The following EIF3B variants were observed in gnomAD, a reference collection of about 807,000 sequenced individuals.
The protein encoded by EIF3B is eukaryotic translation initiation factor 3 subunit B, also known as eukaryotic translation initiation factor 3 subunit 9.
A neutral mutation model predicts 104.6 loss-of-function variants in EIF3B; 10 were observed. The ratio of observed to expected loss-of-function variants is 0.10; its 90% CI spans 0.06 to 0.16. The LOEUF is 0.16. EIF3B is among the 10% of genes least tolerant of loss of function. EIF3B has a pLI of 1.00. For synonymous variants in EIF3B, 542 were observed against 417.2 expected, an observed-to-expected ratio of 1.30 and a Z score of -3.65; for missense variants, 1,014 against 1,087.9, an observed-to-expected ratio of 0.93 and a Z score of 0.96.
chr7:2,374,259 G>A, intron 12 of EIF3B: 1 of 356,104 alleles, frequency 2.8e-6, no homozygotes, highest in Non-Finnish European at 5.2e-6. Context: ...TTGCTGTAAA[G>A]GGAATTCTTT....
chr7:2,363,322 C>T (rs1779839223), intron 4 of EIF3B, among the ~76,000 whole-genome samples, 195 bp downstream of exon 4: 2 of 151,878 alleles, frequency 1.3e-5, no homozygotes, highest in African/African-American at 2.4e-5. Flanking sequence ...ATTAGCTGGG[C>T]CTGGCATGCA....
intron 9 of EIF3B, 51 bp downstream of exon 9, chr7:2,367,096 C>G: frequency 1.4e-6 from 1 of 731,008 alleles, no homozygotes; most frequent in Non-Finnish European, 2.0e-6. Flanking sequence ...CTGCTTAACA[C>G]AATACCAAAA....
At position 2,360,804 on chromosome 7, in the gene EIF3B, C is replaced by T; in HGVS notation, c.594C>T (p.Asp198=). 6.2e-7 allele frequency: 1 copy of T among 1,613,720 alleles called. No homozygotes were observed. The highest frequency in any genetic ancestry group is 8.5e-7 in the Non-Finnish European group (1 of 1,179,700). ...ACAATGTCCCTCAGGTGGGACCCGA[C>T]CGACTTGAGAAACTCAAAAATGTCA... ...VVDNVPQVGP[D]RLEKLKNVIH... is the part of the protein sequence containing the mutation. Residue 198 remains aspartate (D), a synonymous_variant, in exon 2 of 19, where the codon GAC becomes GAT. Transcript: ENST00000360876.
intron 10 of EIF3B, among the ~76,000 whole-genome samples, chr7:2,371,127 C>G (rs1474458593): frequency 6.6e-6 from 1 of 152,196 alleles, no homozygotes; most frequent in African/African-American, 2.4e-5. Context: ...TGTTAGCAGC[C>G]TCTCCGCCCA....
chr7:2,373,849 T>G (rs1562489139), intron 12 of EIF3B: 1 of 152,232 alleles, frequency 6.6e-6, no homozygotes, highest in Non-Finnish European at 1.5e-5. Context: ...TTTTCGCTTG[T>G]GCAAGTCTGA....
At position 2,366,984 on chromosome 7, in the gene EIF3B, C is replaced by A. The variant is rs750504573; in HGVS notation, c.1357-15C>A. The A allele has an allele frequency of 5.6e-6, 9 of 1,607,494 alleles. No homozygotes were observed. Among genetic ancestry groups the A allele is most frequent in the Non-Finnish European group, 6.8e-6 (8 of 1,177,102 alleles). On this transcript the variant is annotated splice_polypyrimidine_tract_variant and intron_variant, in intron 8 of 18. Transcript: ENST00000360876. ...ATGATTTGACTCAACTGCAGCCTTCCTTTTTTTTGGGCAGTCTATGGGTCT... is the reference window on the plus strand; with the variant it reads ...ATGATTTGACTCAACTGCAGCCTTCATTTTTTTTGGGCAGTCTATGGGTCT...
intron 10 of EIF3B, 130 bp downstream of exon 10, chr7:2,369,812 CTG>C: frequency 2.7e-6 from 2 of 744,676 alleles, no homozygotes; most frequent in South Asian, 3.9e-5. Context: ...GAGTCTCACT[CTG>C]TCACCAGGCT....
rs1343711655 is a variant in EIF3B at position 2,355,285 on chromosome 7, C to A, written c.364C>A (p.Gln122Lys). 24 of 1,536,226 alleles carry A rather than the reference C, an allele frequency of 1.6e-5. No individual in the cohort carries two copies. ...ARDERSDSRA[Q>K]AVSEDAGGNE... ...GGACGAGCGCTCCGACAGCCGGGCC[C>A]AGGCGGTGTCCGAGGACGCGGGAGG... Residue 122 changes from glutamine (Q) to lysine (K), a missense_variant, in exon 1 of 19, where the codon CAG becomes AAG. Gln to Lys is a moderately conservative substitution (Grantham distance 53). Around this residue, in one of 4 missense-constraint regions of EIF3B, gnomAD observed 488 missense variants for 404.3 expected, o/e 1.21. Transcript: ENST00000360876.
chr7:2,359,071 A>C (rs577555322), intron 1 of EIF3B, among the ~76,000 whole-genome samples: 3 of 151,488 alleles, frequency 2.0e-5, no homozygotes, highest in African/African-American at 7.2e-5. Flanking sequence ...GAAAAAAAAA[A>C]GTTGTTTCAG....
chr7:2,364,575 T>TG, intron 6 of EIF3B, 46 bp downstream of exon 6: 1 of 1,554,040 alleles, frequency 6.4e-7, no homozygotes, highest in South Asian at 1.2e-5. Flanking sequence ...TTTCACCCCA[T>TG]GCCAGCCTTC....
At chr7:2,378,946 G>GT in intron 16 of EIF3B, 180 bp downstream of exon 16, 1 of 738,700 alleles carries the variant, frequency 1.4e-6, no homozygotes, top group Non-Finnish European at 2.2e-6. Flanking sequence ...CTTGGAGTTG[G>GT]TGACCTCACT....
intron 6 of EIF3B, 140 bp downstream of exon 6, chr7:2,364,669 A>G: frequency 1.3e-6 from 1 of 758,886 alleles, no homozygotes; most frequent in African/African-American, 1.8e-5. Context: ...CTTTTTACTG[A>G]GATCTTCTCA....
chr7:2,364,890 GA>G (rs1167906192), intron 6 of EIF3B, among the ~76,000 whole-genome samples: 3 of 152,142 alleles, frequency 2.0e-5, no homozygotes, highest in African/African-American at 7.2e-5. Context: ...TTTGTTACTT[GA>G]CCTAATAATG....
rs570068196 is a variant in EIF3B at position 2,362,700 on chromosome 7, G to A, written c.748G>A (p.Ala250Thr). Residue 250 changes from alanine (A) to threonine (T), a missense_variant, in exon 3 of 19, where the codon GCC becomes ACC. Ala to Thr is a moderately conservative substitution (Grantham distance 58, BLOSUM62 0). Around this residue, in one of 4 missense-constraint regions of EIF3B, gnomAD observed 488 missense variants for 404.3 expected, o/e 1.21. Transcript: ENST00000360876. ...PAHAVDAVKN[A>T]DGYKLDKQHT... is the part of the protein sequence containing the mutation. ...CCACGCTGTGGATGCTGTGAAGAAC[G>A]CCGACGGCTACAAGCTTGACAAGCA... The A allele has an allele frequency of 5.8e-5, 94 of 1,614,232 alleles. 2 individuals carry two copies. The South Asian group carries it at 9.2e-4, about 16-fold the overall frequency.
At chr7:2,367,825 ATTTTTTTTTTTTTTTTT>A (rs71026506) in intron 9 of EIF3B, among the ~76,000 whole-genome samples, 5 of 60,296 alleles carry the variant, frequency 8.3e-5, no homozygotes, top group Non-Finnish European at 1.1e-4. Flanking sequence ...TTTTTTTAAA[ATTTTTTTTTTTTTTTTT>A]TTTTTTTTTT....
intron 13 of EIF3B, chr7:2,375,144 C>T (rs982131016): frequency 3.8e-6 from 2 of 523,614 alleles, no homozygotes; most frequent in Non-Finnish European, 6.9e-6. Flanking sequence ...TGGAGGCTTA[C>T]TTAGCCTCAG....
rs146119314 is a variant in EIF3B at position 2,369,505 on chromosome 7, C to A, written c.1437C>A (p.Ile479=). Residue 479 remains isoleucine, a synonymous_variant, in exon 10 of 19, where the codon ATC becomes ATA. Coordinates refer to ENST00000360876, the MANE Select transcript of EIF3B (RefSeq NM_001037283.2). Reference sequence around the variant, plus strand: ...CTTGGTCTCCTGGTGGTAACATAATCGCCTTCTGGGTGCCTGAAGACAAAG... The same window carrying A: ...CTTGGTCTCCTGGTGGTAACATAATAGCCTTCTGGGTGCCTGAAGACAAAG... ...DFSWSPGGNI[I]AFWVPEDKDI... 7 of 1,614,066 alleles carry A rather than the reference C, an allele frequency of 4.3e-6. No homozygotes were observed. In the Admixed American group the frequency reaches 1.2e-4, roughly 27 times the overall value.
At chr7:2,373,507 C>T (rs960453776) in intron 12 of EIF3B, 18 of 152,162 alleles carry the variant, frequency 1.2e-4, no homozygotes, top group African/African-American at 4.3e-4. Flanking sequence ...GGCTCTGTAC[C>T]AGGAAGGGGT....
At chr7:2,376,013 G>A (rs1412710467) in intron 14 of EIF3B, 1 of 156,806 alleles carries the variant, frequency 6.4e-6, no homozygotes, top group Non-Finnish European at 1.4e-5. Flanking sequence ...CATGCCAATA[G>A]AGCCTGTGAA....
Sources: allele counts gnomAD v4.1 joint callset (sites outside exome capture counted in the v4.1 genomes callset), GRCh38; gene constraint gnomAD v4.1.1; regional missense constraint gnomAD v4.1.1; transcripts MANE v1.5; gene names NCBI Gene and HGNC (gene_info 2026-07-23, HGNC 2026-07-21).